The following EHD2 variants were observed in gnomAD, a reference collection of about 807,000 sequenced individuals.
EHD2 encodes the protein EH domain-containing protein 2.
A neutral mutation model predicts 41.0 loss-of-function variants in EHD2; 27 were observed. The ratio of observed to expected loss-of-function variants is 0.66; its 90% CI spans 0.49 to 0.91. The LOEUF is 0.91. Among genes scored for constraint, EHD2 ranks in the 40% least tolerant of loss-of-function variants. EHD2 has a pLI of 0.00. For synonymous variants in EHD2, 342 were observed against 341.0 expected, an observed-to-expected ratio of 1.00 and a Z score of -0.03; for missense variants, 673 against 773.9, an observed-to-expected ratio of 0.87 and a Z score of 1.55.
At chr19:47,727,879 T>C (rs554398959) in intron 4 of EHD2, among the ~76,000 whole-genome samples, 1 of 152,070 alleles carries the variant, frequency 6.6e-6, no homozygotes, top group African/African-American at 2.4e-5. Context: ...GCAGATCACT[T>C]GAGGTCAGGA....
chr19:47,726,260 AG>A, intron 4 of EHD2, 36 bp downstream of exon 4: 2 of 1,455,492 alleles, frequency 1.4e-6, no homozygotes, highest in Non-Finnish European at 1.8e-6. Context: ...GCATTCTTGG[AG>A]GAGGTTTCCT....
At chr19:47,723,619 G>A (rs1335025617) in intron 3 of EHD2, among the ~76,000 whole-genome samples, 1 of 131,948 alleles carries the variant, frequency 7.6e-6, no homozygotes, top group Non-Finnish European at 1.5e-5. Flanking sequence ...TCGCGCCACT[G>A]CACTCCAACC....
At position 47,741,329 on chromosome 19, in the gene EHD2, G is replaced by T; in HGVS notation, c.1529G>T (p.Ser510Ile). The T allele has an allele frequency of 6.2e-7, 1 of 1,612,848 alleles. No homozygotes were observed. The change falls in exon 6 of 6, where the codon AGC (serine) becomes ATC (isoleucine). Residue 510 changes from serine (S) to isoleucine (I), a missense_variant. Coordinates refer to ENST00000263277, the MANE Select transcript of EHD2 (RefSeq NM_014601.4). The surrounding 1 kb of genome is among the most constrained non-coding windows in gnomAD (Gnocchi z 4.5). ...MLDDEEFALA[S>I]HLIEAKLEGH... ...GATGATGAGGAGTTCGCGCTGGCCA[G>T]CCACCTCATCGAGGCCAAGCTGGAA...
rs368628323 is a variant in EHD2, at chr19:47,718,548, C to T, written c.444C>T (p.Ser148=). The T allele has an allele frequency of 4.4e-6, 7 of 1,587,914 alleles. No homozygotes were observed. The African/African-American group carries it at 5.4e-5, about 12-fold the overall frequency. Residue 148 remains serine (S), a synonymous_variant, in exon 3 of 6, where the codon AGC becomes AGT. Transcript: ENST00000263277. ...CAQLPNQVLE[S]ISIIDTPGIL... ...AGCTCCCTAATCAGGTCCTGGAGAG[C>T]ATCAGCATCATCGACACCCCGGGTA...
At position 47,740,441 on chromosome 19, in the gene EHD2, AAAAAC is replaced by A. The variant is rs1555794325; in HGVS notation, c.1081-420_1081-416del. 7.9e-5 allele frequency among the ~76,000 whole-genome samples: 12 copies of A among 151,682 alleles called. No individual in the cohort carries two copies. In the South Asian group the frequency reaches 8.3e-4, roughly 10 times the overall value. ...GTGACAGAGCGAGACCCTGTCAAAA[AAAAAC>A]AAAACAAAACAAAACAAAAATGGCT... On this transcript the variant is annotated intron_variant, in intron 5 of 5. Transcript: ENST00000263277.
At chr19:47,732,410 C>T (rs537568619) in intron 4 of EHD2, among the ~76,000 whole-genome samples, 4 of 150,996 alleles carry the variant, frequency 2.6e-5, no homozygotes, top group Admixed American at 6.6e-5. Context: ...TGAGCCACCG[C>T]GCCTGGCCTA....
intron 5 of EHD2, 40 bp downstream of exon 5, chr19:47,736,573 T>C (rs755551440): frequency 2.6e-6 from 4 of 1,532,336 alleles, no homozygotes; most frequent in Non-Finnish European, 3.5e-6. Flanking sequence ...GGGTGGGTGA[T>C]GGGAAGGTTG....
Position 47,724,247 on chromosome 19 carries a change from T to A in EHD2, c.503-1565T>A, listed in dbSNP as rs913209195. Among the ~76,000 whole-genome samples, 46 of 151,644 alleles carry A rather than the reference T, an allele frequency of 3.0e-4. 1 individual carries two copies. The highest frequency in any genetic ancestry group is 5.9e-5 in the Non-Finnish European group (4 of 67,916). The stretch of plus-strand genomic sequence containing the variant: ...GCATGAGCCACCAACACCGGGCTAA[T>A]TTTTTTGTATTTTTAGGGCTAGGCT... On this transcript the variant is annotated intron_variant, in intron 3 of 5. Coordinates refer to ENST00000263277, the MANE Select transcript of EHD2 (RefSeq NM_014601.4).
chr19:47,720,566 T>C (rs1265475052), intron 3 of EHD2, among the ~76,000 whole-genome samples: 1 of 151,868 alleles, frequency 6.6e-6, no homozygotes, highest in Admixed American at 6.6e-5. Context: ...TATACTGTTA[T>C]ATTGTGACGT....
At chr19:47,718,634 A>C (rs1313069001) in intron 3 of EHD2, 28 bp downstream of exon 3, 2 of 1,536,580 alleles carry the variant, frequency 1.3e-6, no homozygotes, top group South Asian at 2.4e-5. Context: ...CTGGGGTCTG[A>C]GGGAGGAGGG....
Position 47,740,929 on chromosome 19 carries a change from A to C in EHD2, c.1129A>C (p.Lys377Gln). 6.2e-7 allele frequency: 1 copy of C among 1,613,370 alleles called. No individual in the cohort carries two copies. Among genetic ancestry groups the C allele is most frequent in the Non-Finnish European group, 8.5e-7 (1 of 1,179,884 alleles). ...CACCAAGTTTCACTCGCTGAAGCCG[A>C]AGCTGCTAGAGGCACTGGACGAGAT... is the stretch of plus-strand genomic sequence containing the variant. ...DFTKFHSLKP[K>Q]LLEALDEMLT... Residue 377 changes from lysine (K) to glutamine (Q), a missense_variant, in exon 6 of 6, where the codon AAG becomes CAG. Lys to Gln is a moderately conservative substitution (Grantham distance 53). Transcript: ENST00000263277.
rs751209627 is a variant in EHD2, at chr19:47,725,851, G to A, written c.542G>A (p.Arg181His). ...GCCGTGCTGCGCTGGTTCGCGGAGCGCGTGGACCTCATCATCCTGCTCTTT... is the reference window on the plus strand; with the variant it reads ...GCCGTGCTGCGCTGGTTCGCGGAGCACGTGGACCTCATCATCCTGCTCTTT... ...FPAVLRWFAE[R>H]VDLIILLFDA... is the part of the protein sequence containing the mutation. Residue 181 changes from arginine to histidine, a missense_variant, in exon 4 of 6, where the codon CGC (arginine) becomes CAC (histidine). Arg to His is a conservative substitution (Grantham distance 29). Transcript: ENST00000263277. 2 of 1,608,768 alleles carry A rather than the reference G, an allele frequency of 1.2e-6. No individual in the cohort carries two copies. The highest frequency in any genetic ancestry group is 2.2e-5 in the East Asian group (1 of 44,694).
chr19:47,730,344 C>T (rs1234025488), intron 4 of EHD2, among the ~76,000 whole-genome samples: 1 of 152,024 alleles, frequency 6.6e-6, no homozygotes, highest in Non-Finnish European at 1.5e-5. Flanking sequence ...CACACCCCTG[C>T]CCTGATTGGT....
chr19:47,717,811 G>A lies in EHD2; in HGVS notation c.405-698G>A, dbSNP rs564158800. On this transcript the variant is annotated intron_variant, in intron 2 of 5. Coordinates refer to ENST00000263277, the MANE Select transcript of EHD2 (RefSeq NM_014601.4). Reference sequence around the variant, plus strand: ...TAATCCCAGCTACTCGGGAGGCTGAGGCAGAAGAATTGCTTAAACCTGGGA... The same window carrying A: ...TAATCCCAGCTACTCGGGAGGCTGAAGCAGAAGAATTGCTTAAACCTGGGA... Among the ~76,000 whole-genome samples, 5 of 151,092 alleles carry A rather than the reference G, an allele frequency of 3.3e-5. No homozygotes were observed. The Admixed American group carries it at 3.3e-4, about 10-fold the overall frequency.
intron 5 of EHD2, among the ~76,000 whole-genome samples, chr19:47,740,432 C>T (rs962651377): frequency 1.4e-5 from 2 of 146,118 alleles, no homozygotes; most frequent in Admixed American, 6.7e-5. Flanking sequence ...GAGCGAGACC[C>T]TGTCAAAAAA....
rs1395714491 is a variant in EHD2 at position 47,726,044 on chromosome 19, C to A, written c.735C>A (p.Gly245=). 9 of 1,591,328 alleles carry A rather than the reference C, an allele frequency of 5.7e-6. No individual in the cohort carries two copies. The highest frequency in any genetic ancestry group is 7.7e-6 in the Non-Finnish European group (9 of 1,168,764). Residue 245 remains glycine (G), a synonymous_variant, in exon 4 of 6, where the codon GGC becomes GGA. Coordinates refer to ENST00000263277, the MANE Select transcript of EHD2 (RefSeq NM_014601.4). ...ALMWALGKVV[G]TPEVLRVYIG... ...TGTGGGCGCTGGGCAAGGTGGTGGG[C>A]ACGCCCGAGGTGCTGCGCGTCTACA... is the stretch of plus-strand genomic sequence containing the variant.
At chr19:47,732,389 G>A (rs1049924067) in intron 4 of EHD2, among the ~76,000 whole-genome samples, 1 of 152,096 alleles carries the variant, frequency 6.6e-6, no homozygotes, top group Non-Finnish European at 1.5e-5. Flanking sequence ...AAAGTGCTGG[G>A]ATTACAGGCG....
At position 47,731,280 on chromosome 19, in the gene EHD2, A is replaced by AATATATATATATATG. The variant is rs1491458646; in HGVS notation, c.915+5056_915+5057insATATATATATATATG. 1.7e-3 allele frequency: 94 copies of AATATATATATATATG among 54,642 alleles called. 2 individuals are homozygous for AATATATATATATATG. The highest frequency in any genetic ancestry group is 8.2e-3 in the East Asian group (18 of 2,182). 3.4% of individuals were successfully genotyped at this position (54,642 alleles called of 1,614,324 possible). The stretch of plus-strand genomic sequence containing the variant: ...TTTGTGATTCTTTAAAAAAAAAAAA[A>AATATATATATATATG]TATATATATATATATATATATACAT... On this transcript the variant is annotated intron_variant, in intron 4 of 5. Transcript: ENST00000263277.
intron 5 of EHD2, 94 bp from the exon 6 acceptor site, chr19:47,740,787 C>CT (rs72528750): frequency 1.5e-6 from 2 of 1,325,088 alleles, no homozygotes; most frequent in Non-Finnish European, 2.0e-6. Flanking sequence ...ACAGCTACCC[C>CT]CGAGCTTCTC....
Sources: allele counts gnomAD v4.1 joint callset (sites outside exome capture counted in the v4.1 genomes callset), GRCh38; gene constraint gnomAD v4.1.1; non-coding constraint Gnocchi (gnomAD v3.1); transcripts MANE v1.5; gene names NCBI Gene and HGNC (gene_info 2026-07-23, HGNC 2026-07-21).